The following LYST variants were observed in gnomAD, a reference collection of about 807,000 sequenced individuals.
The protein encoded by LYST is lysosomal trafficking regulator.
In LYST, 192 loss-of-function variants were observed where a neutral mutation model predicts 413.6. The observed-to-expected ratio is 0.46, with a 90% CI of 0.41 to 0.52. The LOEUF (loss-of-function observed/expected upper bound fraction) is 0.52, where lower values mean the gene tolerates loss of function less well. Ranked by LOEUF, LYST falls within the 20% of genes least tolerant of loss-of-function variation. The pLI, the probability that LYST is intolerant of heterozygous loss-of-function variation, is 0.00. For synonymous variants in LYST, 1,525 were observed against 1,567.3 expected, an observed-to-expected ratio of 0.97 and a Z score of 0.64; for missense variants, 3,815 against 4,499.9, an observed-to-expected ratio of 0.85 and a Z score of 4.35.
At chr1:235,692,551 T>A (rs528309234) in intron 47 of LYST, among the ~76,000 whole-genome samples, 8 of 151,888 alleles carry the variant, frequency 5.3e-5, no homozygotes, top group Non-Finnish European at 1.2e-4. Context: ...TGGCTAATTT[T>A]TTTTGTATTT....
At chr1:235,671,779 C>T (rs746387704) in intron 50 of LYST, among the ~76,000 whole-genome samples, 5 of 151,970 alleles carry the variant, frequency 3.3e-5, no homozygotes, top group Non-Finnish European at 7.4e-5. Flanking sequence ...TATAGCCTGG[C>T]GTAGATATGT....
In LYST at chr1:235,775,040, C is replaced by A; in HGVS notation, c.5507G>T (p.Arg1836Leu). ...SCEETQALAL[R>L]VILSLIKYNQ... ...GTATTTAATTAATGAGAGTATAACT[C>A]GCAGTGCTAATGCTTGAGTTTCTTC... Residue 1836 changes from arginine to leucine, a missense_variant, in exon 18 of 53, where the codon CGA becomes CTA. Arg to Leu is a moderately radical substitution (Grantham distance 102, BLOSUM62 -2). Coordinates refer to ENST00000389793, the MANE Select transcript of LYST (RefSeq NM_000081.4). 4 of 1,611,684 alleles carry A rather than the reference C, an allele frequency of 2.5e-6. No individual in the cohort carries two copies. The highest frequency in any genetic ancestry group is 3.4e-6 in the Non-Finnish European group (4 of 1,179,224).
chr1:235,672,012 G>A (rs1658981198), intron 50 of LYST, among the ~76,000 whole-genome samples: 2 of 152,182 alleles, frequency 1.3e-5, no homozygotes, highest in South Asian at 4.1e-4. Flanking sequence ...AAGTAGAGAA[G>A]ATAATGTCTG....
intron 21 of LYST, among the ~76,000 whole-genome samples, chr1:235,765,100 C>T (rs996245588): frequency 3.9e-5 from 6 of 152,166 alleles, no homozygotes; most frequent in Non-Finnish European, 7.4e-5. Flanking sequence ...ATGTGGACAG[C>T]TCCTTATAAC....
chr1:235,834,954 G>C lies in LYST; in HGVS notation c.-97-1287C>G, dbSNP rs78968968. On this transcript the variant is annotated intron_variant, in intron 1 of 52. Transcript: ENST00000389793. The stretch of plus-strand genomic sequence containing the variant: ...TTTTTGAGAGGAGTTTCACCCTTTC[G>C]CCCAGGCTTGAGTGCAGTGGCGCGA... Among the ~76,000 whole-genome samples, 47 of 151,690 alleles carry C rather than the reference G, an allele frequency of 3.1e-4. No individual in the cohort carries two copies. The East Asian group carries it at 9.1e-3, about 29-fold the overall frequency.
In LYST at chr1:235,810,001, C is replaced by A. The variant is rs773113090; in HGVS notation, c.817G>T (p.Val273Phe). The change falls in exon 5 of 53, where the codon GTT (valine) becomes TTT (phenylalanine). Residue 273 changes from valine to phenylalanine, a missense_variant. This residue lies in a region of LYST where 1,648 missense variants were observed against 1,810.3 expected (regional missense o/e 0.91). Transcript: ENST00000389793. ...AAAGGAGAATTATGATTCAAGGTAACGTCAAACTTACAAACTTTTTCTAAT... is the reference window on the plus strand; with the variant it reads ...AAAGGAGAATTATGATTCAAGGTAAAGTCAAACTTACAAACTTTTTCTAAT... ...SLLEKVCKFD[V>F]TLNHNSPLAA... The A allele has an allele frequency of 5.0e-6, 8 of 1,613,764 alleles. No individual in the cohort carries two copies. The South Asian group carries it at 8.8e-5, about 18-fold the overall frequency.
intron 42 of LYST, among the ~76,000 whole-genome samples, chr1:235,713,615 T>A (rs1401316709): frequency 2.0e-5 from 3 of 152,072 alleles, no homozygotes; most frequent in Non-Finnish European, 2.9e-5. Context: ...GGGGATGGGG[T>A]GTGGGTGGTG....
chr1:235,796,947 GGATA>G (rs1021079547), intron 10 of LYST, among the ~76,000 whole-genome samples: 1 of 152,086 alleles, frequency 6.6e-6, no homozygotes, highest in Non-Finnish European at 1.5e-5. Flanking sequence ...ATATCCACCA[GGATA>G]GATATAATTA....
chr1:235,689,866 T>G (rs1320692795), intron 47 of LYST, among the ~76,000 whole-genome samples: 1 of 152,254 alleles, frequency 6.6e-6, no homozygotes, highest in Non-Finnish European at 1.5e-5. Context: ...GCTTTGGATC[T>G]GCTAAACTAA....
chr1:235,806,394 C>T lies in LYST; in HGVS notation c.2742G>A (p.Glu914=), dbSNP rs751710590. 1.2e-6 allele frequency: 2 copies of T among 1,614,058 alleles called. No individual in the cohort carries two copies. The highest frequency in any genetic ancestry group is 1.7e-6 in the Non-Finnish European group (2 of 1,180,006). The change falls in exon 6 of 53, where the codon GAG becomes GAA. Residue 914 remains glutamate, a synonymous_variant. Coordinates refer to ENST00000389793, the MANE Select transcript of LYST (RefSeq NM_000081.4). The part of the protein sequence containing the change: ...VAFLCVSKEA[E]SDRESANDSE... ...AGTCATTGGCCGACTCCCTGTCAGACTCTGCTTCTTTACTTACGCATAAAA... is the reference window on the plus strand; with the variant it reads ...AGTCATTGGCCGACTCCCTGTCAGATTCTGCTTCTTTACTTACGCATAAAA...
intron 47 of LYST, among the ~76,000 whole-genome samples, chr1:235,690,832 A>G (rs1014376125): frequency 6.6e-6 from 1 of 152,240 alleles, no homozygotes; most frequent in Non-Finnish European, 1.5e-5. Flanking sequence ...GTCAAAAAAG[A>G]AGGCTGTCCA....
At chr1:235,823,045 T>A (rs1170298520) in intron 3 of LYST, among the ~76,000 whole-genome samples, 1 of 152,158 alleles carries the variant, frequency 6.6e-6, no homozygotes, top group African/African-American at 2.4e-5. Context: ...CTCAACAGAA[T>A]CATGAGCAAA....
intron 31 of LYST, among the ~76,000 whole-genome samples, chr1:235,739,858 T>C (rs536648643): frequency 3.3e-5 from 5 of 152,094 alleles, no homozygotes; most frequent in South Asian, 2.1e-4. Flanking sequence ...ACGAAATGGA[T>C]TGAGAAAGAG....
rs1553265863 is a variant in LYST at position 235,689,047 on chromosome 1, C to CAACAACAACAAT, written c.10702-2001_10702-2000insATTGTTGTTGTT. 2.0e-4 allele frequency among the ~76,000 whole-genome samples: 28 copies of CAACAACAACAAT among 141,454 alleles called. 1 individual carries two copies. Among genetic ancestry groups the CAACAACAACAAT allele is most frequent in the African/African-American group, 6.6e-4 (25 of 37,770 alleles). 92.8% of individuals were successfully genotyped at this position (141,454 alleles called of 152,430 possible). A position where few individuals can be genotyped will look rare whatever the true frequency, so the allele number is the denominator to read the frequency against. ...ATAATAACAACAACAACAACAACAA[C>CAACAACAACAAT]AATAATATCCTAGCTGAATTTTCTC... On this transcript the variant is annotated intron_variant, in intron 47 of 52. Transcript: ENST00000389793.
chr1:235,724,105 A>C lies in LYST; in HGVS notation c.9238T>G (p.Trp3080Gly). The C allele has an allele frequency of 6.2e-7, 1 of 1,613,544 alleles. No individual in the cohort carries two copies. Among genetic ancestry groups the C allele is most frequent in the Non-Finnish European group, 8.5e-7 (1 of 1,179,472 alleles). The change falls in exon 39 of 53, where the codon TGG becomes GGG. Residue 3080 changes from tryptophan to glycine, a missense_variant. By Grantham distance (184) the Trp-to-Gly change is radical (BLOSUM62 -2). Coordinates refer to ENST00000389793, the MANE Select transcript of LYST (RefSeq NM_000081.4). ...EEIKEVHKRW[W>G]QLRDNAVEIF... ...TCTACAGCATTATCTCTCAATTGCC[A>C]CCAACGCTTGTGAACTTCTTTAATT...
intron 36 of LYST, among the ~76,000 whole-genome samples, chr1:235,730,521 GTA>G (rs537844605): frequency 1.3e-4 from 19 of 149,806 alleles, no homozygotes; most frequent in Admixed American, 1.1e-3. Flanking sequence ...ATATATATGG[GTA>G]TATATATATG....
In LYST at chr1:235,807,344, CTG is replaced by C. The variant is rs200036320; in HGVS notation, c.2364-574_2364-573del. Among the ~76,000 whole-genome samples the C allele has an allele frequency of 7.4e-3, 1,125 of 152,296 alleles. 13 individuals carry two copies. The highest frequency in any genetic ancestry group is 0.026 in the African/African-American group (1,071 of 41,570). On this transcript the variant is annotated intron_variant, in intron 5 of 52. Transcript: ENST00000389793. ...CAAATATTATAAAAGTTTTTCAGCT[CTG>C]TCTCAGGTGAGACTTGTGTCTAGAT... is the stretch of plus-strand genomic sequence containing the variant.
At chr1:235,675,459 C>G (rs13373917) in intron 50 of LYST, among the ~76,000 whole-genome samples, 4 of 152,092 alleles carry the variant, frequency 2.6e-5, no homozygotes, top group African/African-American at 9.7e-5. Context: ...TGTGCTCTTA[C>G]GATCGGTCGG....
intron 31 of LYST, chr1:235,737,937 TGCCC>T: frequency 1.7e-6 from 2 of 1,191,968 alleles, no homozygotes; most frequent in South Asian, 3.5e-5. Flanking sequence ...CACTGCCGCG[TGCCC>T]CAACACCCGC....
Sources: allele counts gnomAD v4.1 joint callset (sites outside exome capture counted in the v4.1 genomes callset), GRCh38; gene constraint gnomAD v4.1.1; regional missense constraint gnomAD v4.1.1; transcripts MANE v1.5; gene names NCBI Gene and HGNC (gene_info 2026-07-23, HGNC 2026-07-21).